DCLRE1B: variants seen among roughly 807,000 people sequenced by gnomAD.
The protein encoded by DCLRE1B is DNA cross-link repair 1B.
Under a neutral mutation model 19.8 loss-of-function variants are expected in DCLRE1B, and 6 were observed. The ratio of observed to expected loss-of-function variants is 0.30; its 90% confidence interval spans 0.17 to 0.60. The LOEUF is 0.60. Ranked by LOEUF, DCLRE1B falls within the 20% of genes least tolerant of loss-of-function variation. The pLI, the probability that DCLRE1B is intolerant of heterozygous loss-of-function variation, is 0.87. For synonymous variants in DCLRE1B, 258 were observed against 255.7 expected, an observed-to-expected ratio of 1.01 and a Z score of -0.09; for missense variants, 622 against 654.2, an observed-to-expected ratio of 0.95 and a Z score of 0.54.
Position 113,913,974 on chromosome 1 carries a change from A to T in DCLRE1B, c.*1783A>T, listed in dbSNP as rs1405651656. 1 of 152,202 alleles carries T rather than the reference A, an allele frequency of 6.6e-6. No individual in the cohort carries two copies. Among genetic ancestry groups the T allele is most frequent in the Non-Finnish European group, 1.5e-5 (1 of 68,026 alleles). The allele number at this position is 152,202 out of a possible 1,614,324, so 9.4% of individuals were successfully genotyped here. A position where few individuals can be genotyped will look rare whatever the true frequency, so the allele number is the denominator to read the frequency against. ...ATTGTTCAAAAATGCCATTTTTAAT[A>T]TTTGTATAATACCCTATCATGTGAG... is the stretch of plus-strand genomic sequence containing the variant. On this transcript the variant is annotated 3_prime_UTR_variant, in exon 4 of 4. Coordinates refer to ENST00000650450, the MANE Select transcript of DCLRE1B (RefSeq NM_022836.4).
upstream of DCLRE1B, chr1:113,905,125 G>A (rs939788537): frequency 5.9e-5 from 21 of 354,224 alleles, no homozygotes; most frequent in Non-Finnish European, 1.0e-4. Flanking sequence ...CGGAAGTCCC[G>A]CCCCCTTGTC....
Position 113,911,627 on chromosome 1 carries a change from G to C in DCLRE1B, c.1035G>C (p.Lys345Asn). The change falls in exon 4 of 4, where the codon AAG becomes AAC. Residue 345 changes from lysine to asparagine, a missense_variant. Physicochemically the swap from Lys to Asn is moderately conservative, Grantham distance 94 (BLOSUM62 0). Transcript: ENST00000650450. ...TCTGGCTGTTAGAAAGGAGGCTAAA[G>C]AGGCCGAGAACCCAAGGTGTTGTGT... ...SLLWLLERRL[K>N]RPRTQGVVFE... 1 of 1,600,236 alleles carries C rather than the reference G, an allele frequency of 6.2e-7. No homozygotes were observed. Among genetic ancestry groups the C allele is most frequent in the East Asian group, 2.2e-5 (1 of 44,730 alleles).
At chr1:113,906,089 C>T (rs35749483) in intron 1 of DCLRE1B, among the ~76,000 whole-genome samples, 126 of 118,800 alleles carry the variant, frequency 1.1e-3, no homozygotes, top group Non-Finnish European at 1.7e-3. Context: ...CGGAGTCTCG[C>T]TCTGTTGCCC....
Position 113,905,792 on chromosome 1 carries a change from G to T in DCLRE1B, c.189+17G>T, listed in dbSNP as rs370769505. ...CACCTACAGGTATGGGGCTGGAGTC[G>T]GTCTCCGAGAGCTGGTCCAGGCATC... On this transcript the variant is annotated intron_variant, in intron 1 of 3. Coordinates refer to ENST00000650450, the MANE Select transcript of DCLRE1B (RefSeq NM_022836.4). 3.1e-6 allele frequency: 5 copies of T among 1,598,554 alleles called. No homozygotes were observed. In the African/African-American group the frequency reaches 6.7e-5, roughly 21 times the overall value.
At position 113,905,793 on chromosome 1, in the gene DCLRE1B, G is replaced by A; in HGVS notation, c.189+18G>A. 1 of 1,598,316 alleles carries A rather than the reference G, an allele frequency of 6.3e-7. No individual in the cohort carries two copies. The highest frequency in any genetic ancestry group is 2.2e-5 in the East Asian group (1 of 44,464). On this transcript the variant is annotated intron_variant, in intron 1 of 3. Transcript: ENST00000650450. ...ACCTACAGGTATGGGGCTGGAGTCG[G>A]TCTCCGAGAGCTGGTCCAGGCATCT...
intron 3 of DCLRE1B, 48 bp from the exon 4 acceptor site, chr1:113,911,083 A>T: frequency 6.6e-7 from 1 of 1,510,634 alleles, no homozygotes. Context: ...CCAATAGCTT[A>T]ATTTTCTTCC....
In DCLRE1B at chr1:113,911,328, A is replaced by G. The variant is rs781115879; in HGVS notation, c.736A>G (p.Asn246Asp). 6.2e-7 allele frequency: 1 copy of G among 1,614,102 alleles called. No homozygotes were observed. The highest frequency in any genetic ancestry group is 8.5e-7 in the Non-Finnish European group (1 of 1,180,022). The change falls in exon 4 of 4, where the codon AAC becomes GAC. Residue 246 changes from asparagine to aspartate, a missense_variant. Physicochemically the swap from Asn to Asp is conservative, Grantham distance 23. This residue lies in a region of DCLRE1B where 382 missense variants were observed against 412.5 expected (regional missense o/e 0.93). Transcript: ENST00000650450. ...CTGCCATTCCAACATGCTGCGTTGG[A>G]ACCAGACCCACCCTACGATTGCTAT... ...EICHSNMLRW[N>D]QTHPTIAILP... is the part of the protein sequence containing the mutation.
intron 3 of DCLRE1B, among the ~76,000 whole-genome samples, chr1:113,908,649 C>A (rs184915247): frequency 6.6e-6 from 1 of 152,264 alleles, no homozygotes; most frequent in East Asian, 1.9e-4. Context: ...AAAACTGCAA[C>A]CTGCCCACCA....
chr1:113,905,069 C>T (rs966328596), upstream of DCLRE1B: 1 of 382,278 alleles, frequency 2.6e-6, no homozygotes, highest in South Asian at 2.2e-5. Context: ...CCTTAATTCC[C>T]CCTCCACGCC....
At position 113,907,034 on chromosome 1, in the gene DCLRE1B, G is replaced by C. The variant is rs377086086; in HGVS notation, c.228G>C (p.Glu76Asp). 5.0e-6 allele frequency: 8 copies of C among 1,613,950 alleles called. No homozygotes were observed. Among genetic ancestry groups the C allele is most frequent in the Non-Finnish European group, 5.9e-6 (7 of 1,180,000 alleles). ...GGATCCAAGCCCTGGAGGTTGGTGA[G>C]AGCCATGTATTACCCCTAGATGAAA... ...KQWIQALEVG[E>D]SHVLPLDEIG... Residue 76 changes from glutamate to aspartate, a missense_variant, in exon 2 of 4, where the codon GAG becomes GAC. By Grantham distance (45) the Glu-to-Asp change is conservative. Around this residue, in one of 3 missense-constraint regions of DCLRE1B, gnomAD observed 237 missense variants for 223.8 expected, o/e 1.06. Coordinates refer to ENST00000650450, the MANE Select transcript of DCLRE1B (RefSeq NM_022836.4).
At chr1:113,904,705 C>T (rs370101262), upstream of DCLRE1B, 79 of 1,612,226 alleles carry the variant, frequency 4.9e-5, no homozygotes, top group Non-Finnish European at 6.4e-5. Context: ...TCCTCGGAGC[C>T]AAGGTACGGC....
intron 3 of DCLRE1B, among the ~76,000 whole-genome samples, 169 bp from the exon 4 acceptor site, chr1:113,910,962 C>A (rs1669229196): frequency 6.6e-6 from 1 of 152,192 alleles, no homozygotes; most frequent in Non-Finnish European, 1.5e-5. Flanking sequence ...CTGTGTCATT[C>A]CCTTTCATAT....
rs1668905317 is a variant in DCLRE1B, at chr1:113,905,834, C to T, written c.189+59C>T. On this transcript the variant is annotated intron_variant, in intron 1 of 3. Transcript: ENST00000650450. The stretch of plus-strand genomic sequence containing the variant: ...CCAGGCATCTGGGTTGGGACTTCAA[C>T]CTGTCATTCTTGGAGTCATAGAATG... 2.6e-6 allele frequency: 4 copies of T among 1,534,364 alleles called. No homozygotes were observed. The Admixed American group carries it at 6.4e-5, about 25-fold the overall frequency.
Position 113,912,088 on chromosome 1 carries a change from G to T in DCLRE1B, c.1496G>T (p.Gly499Val), listed in dbSNP as rs750408386. The T allele has an allele frequency of 3.1e-6, 5 of 1,614,080 alleles. No homozygotes were observed. The South Asian group carries it at 3.3e-5, about 11-fold the overall frequency. Residue 499 changes from glycine to valine, a missense_variant, in exon 4 of 4, where the codon GGT becomes GTT. Transcript: ENST00000650450. ...GTPLLATEFR[G>V]LALKYLLTPV... ...CCTCTTCTAGCTACTGAATTCAGGG[G>T]TCTAGCACTCAAATATCTTCTGACT... is the stretch of plus-strand genomic sequence containing the variant.
chr1:113,907,888 G>A lies in DCLRE1B; in HGVS notation c.356-121G>A, dbSNP rs2101069711. 4.6e-6 allele frequency: 5 copies of A among 1,081,244 alleles called. No homozygotes were observed. In the South Asian group the frequency reaches 4.7e-5, roughly 10 times the overall value. The allele number at this position is 1,081,244 out of a possible 1,614,324, so 67.0% of individuals were successfully genotyped here. A position where few individuals can be genotyped will look rare whatever the true frequency, so the allele number is the denominator to read the frequency against. ...GCTATACTGCCTAGTTCAGTGCCAG[G>A]CTACATAATAGTTTTTTCACAGACT... On this transcript the variant is annotated intron_variant, in intron 2 of 3. Coordinates refer to ENST00000650450, the MANE Select transcript of DCLRE1B (RefSeq NM_022836.4).
chr1:113,907,956 G>A, intron 2 of DCLRE1B, 53 bp from the exon 3 acceptor site: 2 of 1,552,440 alleles, frequency 1.3e-6, no homozygotes. Context: ...GGAGAGGCTT[G>A]TCTTCTATTC....
rs768672121 is a variant in DCLRE1B, at chr1:113,905,721, C to T, written c.135C>T (p.Ala45=). The stretch of plus-strand genomic sequence containing the variant: ...CCGTGGGCCTGTCTAGCACCTGGGC[C>T]CGGCCCCTCTACTGCTCCCCAATTA... ...DHTVGLSSTW[A]RPLYCSPITA... The change falls in exon 1 of 4, where the codon GCC becomes GCT. Residue 45 remains alanine (A), a synonymous_variant. Transcript: ENST00000650450. 138 of 1,614,078 alleles carry T rather than the reference C, an allele frequency of 8.5e-5. No homozygotes were observed. Among genetic ancestry groups the T allele is most frequent in the Non-Finnish European group, 1.1e-4 (133 of 1,180,046 alleles).
chr1:113,907,204 G>GTTTTTTTTTGTTTTTTTTTTTTTTTTT (rs1669056192), intron 2 of DCLRE1B, 43 bp downstream of exon 2: 1 of 465,990 alleles, frequency 2.1e-6, no homozygotes, highest in Non-Finnish European at 2.9e-6. Flanking sequence ...CAGACTAGAT[G>GTTTTTTTTTGTTTTTTTTTTTTTTTTT]TTTTTTTTTT....
At chr1:113,910,636 G>A (rs1669218393) in intron 3 of DCLRE1B, among the ~76,000 whole-genome samples, 2 of 152,064 alleles carry the variant, frequency 1.3e-5, no homozygotes, top group African/African-American at 4.8e-5. Flanking sequence ...TGTGTACCAG[G>A]AACTATAGGC....
Sources: gnomAD v4.1 joint callset for allele counts (sites outside exome capture counted in the v4.1 genomes callset) on GRCh38, gnomAD v4.1.1 for gene constraint, gnomAD v4.1.1 regional missense constraint, MANE v1.5 for transcripts, NCBI Gene and HGNC (gene_info 2026-07-23, HGNC 2026-07-21) for gene names.